PLIN5: variants seen among roughly 807,000 people sequenced by gnomAD.
PLIN5 encodes perilipin 5, also known as perilipin-5.
In PLIN5, 34 loss-of-function variants were observed where a neutral mutation model predicts 32.8. The observed-to-expected ratio is 1.04, with a 90% CI of 0.79 to 1.38. The LOEUF is 1.38. PLIN5 is among the 40% of genes most tolerant of loss of function. The pLI is 0.00. For synonymous variants in PLIN5, 309 were observed against 292.9 expected (o/e 1.05, Z -0.56); for missense variants, 712 against 660.5 (o/e 1.08, Z -0.85).
At chr19:4,524,844 T>C (rs1976779009) in intron 7 of PLIN5, 119 bp downstream of exon 7, 1 of 753,490 alleles carries the variant, frequency 1.3e-6, no homozygotes. Flanking sequence ...AGCACTTGGT[T>C]TGAGATAGCT....
chr19:4,523,839 G>C lies in PLIN5; in HGVS notation c.1081C>G (p.Leu361Val). The change falls in exon 8 of 8, where the codon CTG (leucine) becomes GTG (valine). Residue 361 changes from leucine to valine, a missense_variant. Transcript: ENST00000381848. This position sits in a 1 kb window ranked among gnomAD's most constrained non-coding sequence, Gnocchi z 5.0. Reference sequence around the variant, plus strand: ...ACGGCCTGCACCACCAGCTCCAGCAGCTCGTCCACGCAGGCGTGCGCGTGG... The same window carrying C: ...ACGGCCTGCACCACCAGCTCCAGCACCTCGTCCACGCAGGCGTGCGCGTGG... The part of the protein sequence containing the change: ...VAHAHACVDE[L>V]LELVVQAVPL... 6.3e-7 allele frequency: 1 copy of C among 1,586,872 alleles called. No homozygotes were observed. The highest frequency in any genetic ancestry group is 8.5e-7 in the Non-Finnish European group (1 of 1,174,310).
At position 4,523,463 on chromosome 19, in the gene PLIN5, CCAGGGGGCAG is replaced by C. The variant is rs1976755748; in HGVS notation, c.*55_*64del. 5 of 1,486,840 alleles carry C rather than the reference CCAGGGGGCAG, an allele frequency of 3.4e-6. No individual in the cohort carries two copies. The South Asian group carries it at 5.5e-5, about 16-fold the overall frequency. 92.1% of individuals were successfully genotyped at this position (1,486,840 alleles called of 1,614,324 possible). Reference sequence around the variant, plus strand: ...AAGGCCTCGAGCTTACGTGTGGCCACCAGGGGGCAGCAGGGATCGGGGTGTGCAGGTGGCC... The same window carrying C: ...AAGGCCTCGAGCTTACGTGTGGCCACCAGGGATCGGGGTGTGCAGGTGGCC... On this transcript the variant is annotated 3_prime_UTR_variant, in exon 8 of 8. Transcript: ENST00000381848. The surrounding 1 kb of genome is among the most constrained non-coding windows in gnomAD (Gnocchi z 5.0).
In PLIN5 at chr19:4,525,553, C is replaced by T. The variant is rs1047475755; in HGVS notation, c.720+80G>A. ...CTCCGCCTCCTGCTTTAGGCTAGCACGGGATCCGGTATTCAGCTGGTGCTC... is the reference window on the plus strand; with the variant it reads ...CTCCGCCTCCTGCTTTAGGCTAGCATGGGATCCGGTATTCAGCTGGTGCTC... On this transcript the variant is annotated intron_variant, in intron 6 of 7. Transcript: ENST00000381848. The surrounding 1 kb of genome is among the most constrained non-coding windows in gnomAD (Gnocchi z 5.6). The T allele has an allele frequency of 3.2e-5, 49 of 1,535,122 alleles. No individual in the cohort carries two copies. Among genetic ancestry groups the T allele is most frequent in the African/African-American group, 2.7e-4 (20 of 73,590 alleles).
intron 1 of PLIN5, 40 bp from the exon 2 acceptor site, chr19:4,534,135 C>T (rs1976920465): frequency 6.5e-7 from 1 of 1,546,318 alleles, no homozygotes; most frequent in Non-Finnish European, 8.8e-7. Context: ...CCTGCCCAGG[C>T]ATCAGATCCT....
At chr19:4,533,194 C>T (rs1418722406) in intron 2 of PLIN5, 2 of 151,628 alleles carry the variant, frequency 1.3e-5, no homozygotes. Context: ...CTTCAGGGTT[C>T]AAGCGGTTCT....
Position 4,523,515 on chromosome 19 carries a change from A to G in PLIN5, c.*13T>C, listed in dbSNP as rs1162898224. ...CAGGTGGCCTTTCCTCCCCGCCTCC[A>G]CTGGCCCATGGGTCAGAAGTCCAGC... On this transcript the variant is annotated 3_prime_UTR_variant, in exon 8 of 8. Coordinates refer to ENST00000381848, the MANE Select transcript of PLIN5 (RefSeq NM_001013706.3). The surrounding 1 kb of genome is among the most constrained non-coding windows in gnomAD (Gnocchi z 5.0). 2 of 1,534,638 alleles carry G rather than the reference A, an allele frequency of 1.3e-6. No individual in the cohort carries two copies. Among genetic ancestry groups the G allele is most frequent in the African/African-American group, 2.8e-5 (2 of 72,302 alleles).
At chr19:4,529,610 TACACACACACACACACACACAC>T (rs56850019) in intron 4 of PLIN5, 152 bp downstream of exon 4, 12,705 of 432,492 alleles carry the variant, frequency 0.029, 967 homozygotes, top group African/African-American at 0.2. Flanking sequence ...CATATATGTA[TACACACACACACACACACACAC>T]ACACACACAC....
In PLIN5 at chr19:4,531,776, C is replaced by G; in HGVS notation, c.107G>C (p.Cys36Ser). 2 of 1,591,498 alleles carry G rather than the reference C, an allele frequency of 1.3e-6. No homozygotes were observed. The highest frequency in any genetic ancestry group is 1.9e-4 in the Middle Eastern group (1 of 5,312). ...ACTGTAAACATCGCAGACCGCGGTG[C>G]ACGTGGCCCTGACCAGGGGCAGAGC... ...VVALPLVRATCTAVCDVYSAA... is the reference protein window; with the variant it reads ...VVALPLVRATSTAVCDVYSAA... Residue 36 changes from cysteine to serine, a missense_variant, in exon 3 of 8, where the codon TGC becomes TCC. By Grantham distance (112) the Cys-to-Ser change is moderately radical. Transcript: ENST00000381848.
rs949279501 is a variant in PLIN5 at position 4,525,708 on chromosome 19, G to A, written c.645C>T (p.His215=). The change falls in exon 6 of 8, where the codon CAC becomes CAT. Residue 215 remains histidine (H), a synonymous_variant. Transcript: ENST00000381848. The surrounding 1 kb of genome is among the most constrained non-coding windows in gnomAD (Gnocchi z 5.6). ...TGCTCTGCCTCAGTTTCCCCACAGA[G>A]TGCTCGTAGGCCAGGTGGCGGATCC... ...SARIRHLAYE[H]SVGKLRQSKH... 1.9e-6 allele frequency: 3 copies of A among 1,613,656 alleles called. No individual in the cohort carries two copies. The highest frequency in any genetic ancestry group is 2.5e-6 in the Non-Finnish European group (3 of 1,180,050).
Position 4,534,011 on chromosome 19 carries a change from TCA to T in PLIN5, c.60+2_60+3del. On this transcript the variant is annotated splice_donor_variant and splice_donor_region_variant and intron_variant, in intron 2 of 7. Transcript: ENST00000381848. LOFTEE classifies it high-confidence loss of function. Reference sequence around the variant, plus strand: ...CCCTGCTCCATGGGAGGGGCAGCCCTCACCTGCTGGTCCTGCTCCCACACACT... The same window carrying T: ...CCCTGCTCCATGGGAGGGGCAGCCCTCCTGCTGGTCCTGCTCCCACACACT... The T allele has an allele frequency of 6.2e-7, 1 of 1,612,250 alleles. No individual in the cohort carries two copies. Among genetic ancestry groups the T allele is most frequent in the Non-Finnish European group, 8.5e-7 (1 of 1,179,208 alleles).
At chr19:4,526,869 A>T (rs1426610222) in intron 5 of PLIN5, among the ~76,000 whole-genome samples, 1 of 151,690 alleles carries the variant, frequency 6.6e-6, no homozygotes, top group Non-Finnish European at 1.5e-5. Flanking sequence ...AAAAAAAATT[A>T]AAATTAAAAA....
intron 7 of PLIN5, 76 bp downstream of exon 7, chr19:4,524,887 C>T (rs919726325): frequency 1.2e-5 from 16 of 1,301,068 alleles, no homozygotes; most frequent in East Asian, 5.7e-5. Flanking sequence ...TGGGCTGACC[C>T]GCAGTCCGTC....
chr19:4,529,406 C>G (rs1976849950), intron 4 of PLIN5, 153 bp from the exon 5 acceptor site: 1 of 799,224 alleles, frequency 1.3e-6, no homozygotes, highest in Non-Finnish European at 1.9e-6. Flanking sequence ...AAAACCCTTC[C>G]CTCACAGAGG....
At position 4,523,613 on chromosome 19, in the gene PLIN5, C is replaced by T. The variant is rs1301943215; in HGVS notation, c.1307G>A (p.Gly436Asp). Residue 436 changes from glycine to aspartate, a missense_variant, in exon 8 of 8, where the codon GGT (glycine) becomes GAT (aspartate). Coordinates refer to ENST00000381848, the MANE Select transcript of PLIN5 (RefSeq NM_001013706.3). The surrounding 1 kb of genome is among the most constrained non-coding windows in gnomAD (Gnocchi z 5.0). ...GSGNGDGDRM[G>D]VAGDICEQEP... ...CTGCTCGCAGATGTCCCCGGCAACA[C>T]CCATCCTGTCCCCATCCCCATTCCC... The T allele has an allele frequency of 8.1e-6, 13 of 1,609,844 alleles. No homozygotes were observed. Among genetic ancestry groups the T allele is most frequent in the African/African-American group, 1.3e-5 (1 of 74,500 alleles).
chr19:4,534,098 G>T lies in PLIN5; in HGVS notation c.-21-3C>A, dbSNP rs780410962. 6.2e-7 allele frequency: 1 copy of T among 1,606,304 alleles called. No individual in the cohort carries two copies. The highest frequency in any genetic ancestry group is 8.5e-7 in the Non-Finnish European group (1 of 1,176,652). On this transcript the variant is annotated splice_polypyrimidine_tract_variant and splice_region_variant and intron_variant, in intron 1 of 7. Transcript: ENST00000381848. The stretch of plus-strand genomic sequence containing the variant: ...ATCGTGCTGCAAACAGGGTCACCCT[G>T]CGGGGCAGGATTGAGTAAGGGGAGC...
chr19:4,523,026 T>C lies in PLIN5; in HGVS notation c.*502A>G, dbSNP rs549966161. On this transcript the variant is annotated 3_prime_UTR_variant, in exon 8 of 8. Transcript: ENST00000381848. The surrounding 1 kb of genome is among the most constrained non-coding windows in gnomAD (Gnocchi z 5.0). ...GCCTCTCGGGTTTAAGCAATTCTTC[T>C]GCGTCAGCCTCACAACTAGCTGGGA... The C allele has an allele frequency of 6.6e-6, 1 of 151,996 alleles. No homozygotes were observed. The highest frequency in any genetic ancestry group is 1.5e-5 in the Non-Finnish European group (1 of 68,244). The allele number at this position is 151,996 out of a possible 1,614,324, so 9.4% of individuals were successfully genotyped here.
At chr19:4,529,477 TATATACAC>T (rs1390000345) in intron 4 of PLIN5, 25 of 568,324 alleles carry the variant, frequency 4.4e-5, no homozygotes, top group East Asian at 2.0e-4. Context: ...TACATATACA[TATATACAC>T]ATATACACAC....
chr19:4,525,528 C>T lies in PLIN5; in HGVS notation c.720+105G>A. ...TGCAGCTGGAGACAGCTGCACCCAG[C>T]TCCGCCTCCTGCTTTAGGCTAGCAC... On this transcript the variant is annotated intron_variant, in intron 6 of 7. Coordinates refer to ENST00000381848, the MANE Select transcript of PLIN5 (RefSeq NM_001013706.3). The surrounding 1 kb of genome is among the most constrained non-coding windows in gnomAD (Gnocchi z 5.6). 1 of 1,386,904 alleles carries T rather than the reference C, an allele frequency of 7.2e-7. No homozygotes were observed. Among genetic ancestry groups the T allele is most frequent in the Non-Finnish European group, 9.8e-7 (1 of 1,018,532 alleles). 85.9% of individuals were successfully genotyped at this position (1,386,904 alleles called of 1,614,324 possible). A position where few individuals can be genotyped will look rare whatever the true frequency, so the allele number is the denominator to read the frequency against.
intron 5 of PLIN5, among the ~76,000 whole-genome samples, chr19:4,527,400 G>A (rs1272681170): frequency 1.3e-5 from 2 of 151,802 alleles, no homozygotes; most frequent in African/African-American, 4.8e-5. Flanking sequence ...TCAGCCAGAT[G>A]TGGTGGTGTG....
Sources: gnomAD v4.1 joint callset for allele counts (sites outside exome capture counted in the v4.1 genomes callset) on GRCh38, gnomAD v4.1.1 for gene constraint, Gnocchi (gnomAD v3.1) non-coding constraint, MANE v1.5 for transcripts, NCBI Gene and HGNC (gene_info 2026-07-23, HGNC 2026-07-21) for gene names.